The following CAPN1 variants were observed in gnomAD, a reference collection of about 807,000 sequenced individuals.
The protein encoded by CAPN1 is calpain-1 catalytic subunit.
CAPN1 carries 77 observed loss-of-function variants against 105.2 expected under a neutral mutation model. The observed-to-expected ratio is 0.73, with a 90% CI of 0.61 to 0.88. The LOEUF (loss-of-function observed/expected upper bound fraction) is 0.88. CAPN1 is among the 40% of genes least tolerant of loss of function. The pLI is 0.00. For synonymous variants in CAPN1, 355 were observed against 388.8 expected (o/e 0.91, Z 1.02); for missense variants, 833 against 976.6 (o/e 0.85, Z 1.96).
Position 65,187,999 on chromosome 11 carries a change from C to T in CAPN1, c.888C>T (p.Asn296=), listed in dbSNP as rs1467731315. 7 of 1,561,826 alleles carry T rather than the reference C, an allele frequency of 4.5e-6. No homozygotes were observed. Among genetic ancestry groups the T allele is most frequent in the Non-Finnish European group, 5.2e-6 (6 of 1,153,148 alleles). The change falls in exon 8 of 22, where the codon AAC becomes AAT. Residue 296 remains asparagine (N), a synonymous_variant. Coordinates refer to ENST00000279247, the MANE Select transcript of CAPN1 (RefSeq NM_005186.4). ...GQVVSLIRMR[N]PWGEVEWTGA... Reference sequence around the variant, plus strand: ...TGGTGAGCCTGATCCGGATGCGGAACCCCTGGGGCGAGGTGGAGTGGACGG... The same window carrying T: ...TGGTGAGCCTGATCCGGATGCGGAATCCCTGGGGCGAGGTGGAGTGGACGG...
chr11:65,194,111 G>A (rs1362212710), intron 10 of CAPN1, among the ~76,000 whole-genome samples: 6 of 151,490 alleles, frequency 4.0e-5, no homozygotes, highest in Non-Finnish European at 7.4e-5. Context: ...ACAGGCATGC[G>A]CCACCATGCC....
intron 12 of CAPN1, 179 bp downstream of exon 12, chr11:65,205,900 C>A: frequency 1.6e-6 from 1 of 641,094 alleles, no homozygotes; most frequent in Non-Finnish European, 2.8e-6. Context: ...TCCTGAGGGT[C>A]AGCACAGGTA....
chr11:65,183,053 A>C, intron 2 of CAPN1, 75 bp from the exon 3 acceptor site: 1 of 1,606,280 alleles, frequency 6.2e-7, no homozygotes, highest in South Asian at 1.1e-5. Context: ...CCTGGTGGGG[A>C]ATGGGGTCTG....
chr11:65,183,639 G>T (rs372155876), intron 4 of CAPN1, 47 bp downstream of exon 4: 2 of 1,315,676 alleles, frequency 1.5e-6, no homozygotes, highest in African/African-American at 2.9e-5. Context: ...TGGGGGAGAT[G>T]CGGAAGGATG....
chr11:65,200,591 C>T (rs1362619695), intron 10 of CAPN1, among the ~76,000 whole-genome samples: 2 of 152,112 alleles, frequency 1.3e-5, no homozygotes, highest in Non-Finnish European at 2.9e-5. Context: ...GATCCACCCA[C>T]CTTGGTCTCC....
chr11:65,210,170 T>A lies in CAPN1; in HGVS notation c.1942+74T>A. 2 of 1,323,040 alleles carry A rather than the reference T, an allele frequency of 1.5e-6. No homozygotes were observed. Among genetic ancestry groups the A allele is most frequent in the Non-Finnish European group, 2.2e-6 (2 of 917,960 alleles). The allele number at this position is 1,323,040 out of a possible 1,614,324, so 82.0% of individuals were successfully genotyped here. A position where few individuals can be genotyped will look rare whatever the true frequency, so the allele number is the denominator to read the frequency against. ...CCACTGCTCCTATGCCCCAGGCCCT[T>A]GTCCCTGGGGTGCTAGTGGTGACAT... On this transcript the variant is annotated intron_variant, in intron 19 of 21. Coordinates refer to ENST00000279247, the MANE Select transcript of CAPN1 (RefSeq NM_005186.4). This position sits in a 1 kb window ranked among gnomAD's most constrained non-coding sequence, Gnocchi z 4.3.
At position 65,205,718 on chromosome 11, in the gene CAPN1, G is replaced by GCAATA; in HGVS notation, c.1350_1351insCAATA (p.Glu451GlnfsTer2). ...CTGTCTCTCTATTGCAGGTCCCTCC[G>GCAATA]GAGGTAGGTGTGGCACCATGACCCA... On this transcript the variant is annotated frameshift_variant, in exon 12 of 22. Coordinates refer to ENST00000279247, the MANE Select transcript of CAPN1 (RefSeq NM_005186.4). LOFTEE classifies it high-confidence loss of function. The GCAATA allele has an allele frequency of 6.2e-7, 1 of 1,613,546 alleles. No individual in the cohort carries two copies. Among genetic ancestry groups the GCAATA allele is most frequent in the Non-Finnish European group, 8.5e-7 (1 of 1,179,694 alleles).
In CAPN1 at chr11:65,210,069, G is replaced by A. The variant is rs763379888; in HGVS notation, c.1915G>A (p.Glu639Lys). Reference sequence around the variant, plus strand: ...CAAGTCGGGCAGCATGAGTGCCTACGAGATGCGGATGGCCATTGAGTCGGC... The same window carrying A: ...CAAGTCGGGCAGCATGAGTGCCTACAAGATGCGGATGGCCATTGAGTCGGC... Reference protein sequence around the residue: ...LDKSGSMSAYEMRMAIESAGF... With the variant: ...LDKSGSMSAYKMRMAIESAGF... The change falls in exon 19 of 22, where the codon GAG becomes AAG. Residue 639 changes from glutamate (E) to lysine (K), a missense_variant. By Grantham distance (56) the Glu-to-Lys change is moderately conservative (BLOSUM62 1). Transcript: ENST00000279247. This position sits in a 1 kb window ranked among gnomAD's most constrained non-coding sequence, Gnocchi z 4.3. 21 of 1,612,710 alleles carry A rather than the reference G, an allele frequency of 1.3e-5. No homozygotes were observed. Among genetic ancestry groups the A allele is most frequent in the Admixed American group, 6.7e-5 (4 of 59,946 alleles).
Position 65,211,666 on chromosome 11 carries a change from A to C in CAPN1, c.*380A>C. On this transcript the variant is annotated 3_prime_UTR_variant, in exon 22 of 22. Transcript: ENST00000279247. ...GGCCTGGCCTTGCCTGCAGACTATAAACTATAACCACTAGCTCGACACAGT... is the reference window on the plus strand; with the variant it reads ...GGCCTGGCCTTGCCTGCAGACTATACACTATAACCACTAGCTCGACACAGT... The C allele has an allele frequency of 3.3e-6, 1 of 305,012 alleles. No homozygotes were observed. Among genetic ancestry groups the C allele is most frequent in the Non-Finnish European group, 6.4e-6 (1 of 156,870 alleles). 18.9% of individuals were successfully genotyped at this position (305,012 alleles called of 1,614,324 possible).
Position 65,211,252 on chromosome 11 carries a change from T to C in CAPN1, c.2119-8T>C. On this transcript the variant is annotated splice_region_variant and splice_polypyrimidine_tract_variant and intron_variant, in intron 21 of 21. Transcript: ENST00000279247. ...GCGGCCCCAGCTGACCTGCCTGTTC[T>C]CCCGCAGTGGTTGCAGCTGACCATG... is the stretch of plus-strand genomic sequence containing the variant. 1.2e-6 allele frequency: 2 copies of C among 1,612,738 alleles called. No individual in the cohort carries two copies. Among genetic ancestry groups the C allele is most frequent in the Non-Finnish European group, 1.7e-6 (2 of 1,179,766 alleles).
Position 65,188,419 on chromosome 11 carries a change from C to A in CAPN1, c.935C>A (p.Ser312Ter), listed in dbSNP as rs750921499. 7 of 1,611,146 alleles carry A rather than the reference C, an allele frequency of 4.3e-6. No homozygotes were observed. The South Asian group carries it at 7.7e-5, about 18-fold the overall frequency. The change falls in exon 9 of 22, where the codon TCA becomes TAA. Residue 312 changes from serine (S) to a stop codon, truncating the protein, a stop_gained. Coordinates refer to ENST00000279247, the MANE Select transcript of CAPN1 (RefSeq NM_005186.4). LOFTEE classifies it high-confidence loss of function. This position sits in a 1 kb window ranked among gnomAD's most constrained non-coding sequence, Gnocchi z 5.5. ...EWTGAWSDSSSEWNNVDPYER... is the reference protein window; with the variant it reads ...EWTGAWSDSS Reference sequence around the variant, plus strand: ...CAGAGCCCTGCTCCTCACAGCTCCTCAGAGTGGAACAACGTGGACCCATAT... The same window carrying A: ...CAGAGCCCTGCTCCTCACAGCTCCTAAGAGTGGAACAACGTGGACCCATAT...
In CAPN1 at chr11:65,206,772, C is replaced by G; in HGVS notation, c.1566-8C>G. ...CTGACTGGCTCCTTTCCTCCCCACT[C>G]TCTGCAGGGAGCTGGATGACCAGAT... is the stretch of plus-strand genomic sequence containing the variant. On this transcript the variant is annotated splice_region_variant and splice_polypyrimidine_tract_variant and intron_variant, in intron 13 of 21. Coordinates refer to ENST00000279247, the MANE Select transcript of CAPN1 (RefSeq NM_005186.4). 1.9e-6 allele frequency: 3 copies of G among 1,612,900 alleles called. No individual in the cohort carries two copies. The highest frequency in any genetic ancestry group is 2.5e-6 in the Non-Finnish European group (3 of 1,179,518).
Position 65,209,898 on chromosome 11 carries a change from A to T in CAPN1, c.1844A>T (p.Asn615Ile), listed in dbSNP as rs777672981. Residue 615 changes from asparagine to isoleucine, a missense_variant, in exon 18 of 22, where the codon AAC becomes ATC. Physicochemically the swap from Asn to Ile is moderately radical, Grantham distance 149. Transcript: ENST00000279247. The surrounding 1 kb of genome is among the most constrained non-coding windows in gnomAD (Gnocchi z 4.1). The part of the protein sequence containing the change: ...LGLVEFNILW[N>I]RIRNYLSIFR... ...CTGGTGGAGTTCAACATCCTGTGGA[A>T]CCGCATCCGGAATTACCTGGTAGGT... is the stretch of plus-strand genomic sequence containing the variant. 1 of 1,613,512 alleles carries T rather than the reference A, an allele frequency of 6.2e-7. No homozygotes were observed. Among genetic ancestry groups the T allele is most frequent in the Non-Finnish European group, 8.5e-7 (1 of 1,179,856 alleles).
In CAPN1 at chr11:65,208,023, C is replaced by T; in HGVS notation, c.1606-32C>T. The stretch of plus-strand genomic sequence containing the variant: ...CTCCACACGGGCAGGGCCGGGGCCT[C>T]TCTTACCTGCTTTCTCCCCTTCTCG... On this transcript the variant is annotated intron_variant, in intron 14 of 21. Transcript: ENST00000279247. This position sits in a 1 kb window ranked among gnomAD's most constrained non-coding sequence, Gnocchi z 4.1. The T allele has an allele frequency of 3.2e-6, 5 of 1,556,858 alleles. No individual in the cohort carries two copies. The highest frequency in any genetic ancestry group is 4.4e-6 in the Non-Finnish European group (5 of 1,149,112).
In CAPN1 at chr11:65,209,369, C is replaced by T. The variant is rs1251987883; in HGVS notation, c.1776C>T (p.Ser592=). Residue 592 remains serine (S), a synonymous_variant, in exon 17 of 22, where the codon AGC becomes AGT. Transcript: ENST00000279247. This position sits in a 1 kb window ranked among gnomAD's most constrained non-coding sequence, Gnocchi z 4.1. ...GCTTCAGCCTAGAGTCGTGCCGCAG[C>T]ATGGTGAACCTCATGGATGTATCCT... ...TKGFSLESCR[S]MVNLMDRDGN... 1 of 1,613,724 alleles carries T rather than the reference C, an allele frequency of 6.2e-7. No homozygotes were observed. Among genetic ancestry groups the T allele is most frequent in the Non-Finnish European group, 8.5e-7 (1 of 1,179,726 alleles).
intron 10 of CAPN1, among the ~76,000 whole-genome samples, chr11:65,192,030 T>C (rs1948726001): frequency 6.6e-6 from 1 of 152,140 alleles, no homozygotes; most frequent in Non-Finnish European, 1.5e-5. Flanking sequence ...TCCCAGGAAT[T>C]TGTGAACAGC....
chr11:65,188,833 A>C lies in CAPN1; in HGVS notation c.1165+87A>C. 1 of 1,110,886 alleles carries C rather than the reference A, an allele frequency of 9.0e-7. No homozygotes were observed. The highest frequency in any genetic ancestry group is 1.3e-6 in the Non-Finnish European group (1 of 774,324). The allele number at this position is 1,110,886 out of a possible 1,614,324, so 68.8% of individuals were successfully genotyped here. ...CATCTTACTGAGCCTCCGTTTCCTCACTTGCAAGATATAGGCTGATCTCTT... is the reference window on the plus strand; with the variant it reads ...CATCTTACTGAGCCTCCGTTTCCTCCCTTGCAAGATATAGGCTGATCTCTT... On this transcript the variant is annotated intron_variant, in intron 10 of 21. Coordinates refer to ENST00000279247, the MANE Select transcript of CAPN1 (RefSeq NM_005186.4). This position sits in a 1 kb window ranked among gnomAD's most constrained non-coding sequence, Gnocchi z 5.5.
At position 65,210,091 on chromosome 11, in the gene CAPN1, C is replaced by T. The variant is rs539036617; in HGVS notation, c.1937C>T (p.Ser646Leu). 9.9e-6 allele frequency: 16 copies of T among 1,612,126 alleles called. No homozygotes were observed. The highest frequency in any genetic ancestry group is 2.7e-5 in the African/African-American group (2 of 74,920). The change falls in exon 19 of 22, where the codon TCG becomes TTG. Residue 646 changes from serine to leucine, a missense_variant. Ser to Leu is a moderately radical substitution (Grantham distance 145). Coordinates refer to ENST00000279247, the MANE Select transcript of CAPN1 (RefSeq NM_005186.4). This position sits in a 1 kb window ranked among gnomAD's most constrained non-coding sequence, Gnocchi z 4.3. ...SAYEMRMAIE[S>L]AGFKLNKKLY... ...TACGAGATGCGGATGGCCATTGAGT[C>T]GGCAGGTGAGACTCCAAGGCTGACG...
In CAPN1 at chr11:65,206,569, TC is replaced by T. The variant is rs755772284; in HGVS notation, c.1462del (p.Arg488AlafsTer76). 2 of 1,613,486 alleles carry T rather than the reference TC, an allele frequency of 1.2e-6. No individual in the cohort carries two copies. The highest frequency in any genetic ancestry group is 1.7e-6 in the Non-Finnish European group (2 of 1,179,886). On this transcript the variant is annotated frameshift_variant, in exon 13 of 22. Coordinates refer to ENST00000279247, the MANE Select transcript of CAPN1 (RefSeq NM_005186.4). LOFTEE classifies it high-confidence loss of function. ...AACCTGCGAGAGGTCAGCACCCGCT[TC>T]CGCCTGCCACCCGGGGAGTATGTGG... ...FINLREVSTR[F>X]RLPPGEYVVV...
Sources: allele counts gnomAD v4.1 joint callset (sites outside exome capture counted in the v4.1 genomes callset), GRCh38; gene constraint gnomAD v4.1.1; non-coding constraint Gnocchi (gnomAD v3.1); transcripts MANE v1.5; gene names NCBI Gene and HGNC (gene_info 2026-07-23, HGNC 2026-07-21).